AKR1C4: variants seen among roughly 807,000 people sequenced by gnomAD.
The protein encoded by AKR1C4 is aldo-keto reductase family 1 member C4.
In AKR1C4, 44 loss-of-function variants were observed where a neutral mutation model predicts 41.0. That is an observed-to-expected ratio of 1.07 (90% CI 0.84 to 1.38). The LOEUF is 1.38. Ranked by LOEUF, AKR1C4 falls within the 40% of genes most tolerant of loss-of-function variation. The pLI is 0.00. For missense variants in AKR1C4, 438 were observed against 387.9 expected (o/e 1.13, Z -1.09); for synonymous variants, 165 against 137.7 (o/e 1.20, Z -1.39).
At chr10:5,216,567 A>T in intron 7 of AKR1C4, 144 bp from the exon 8 acceptor site, 1 of 589,148 alleles carries the variant, frequency 1.7e-6, no homozygotes, top group Non-Finnish European at 3.0e-6. Context: ...ATCACTTGAG[A>T]GTTTAGAGAT....
Position 5,216,759 on chromosome 10 carries a change from C to A in AKR1C4, c.895C>A (p.Leu299Ile), listed in dbSNP as rs1554798553. The change falls in exon 8 of 9, where the codon CTA becomes ATA. Residue 299 changes from leucine (L) to isoleucine (I), a missense_variant. Leu to Ile is a conservative substitution (Grantham distance 5). Coordinates refer to ENST00000263126, the MANE Select transcript of AKR1C4 (RefSeq NM_001818.5). The stretch of plus-strand genomic sequence containing the variant: ...AGAGGATATGAAAGTTCTAGATGGT[C>A]TAAACAGAAATTATCGATATGTTGT... ...TSEDMKVLDG[L>I]NRNYRYVVMD... The A allele has an allele frequency of 6.2e-6, 10 of 1,611,922 alleles. No homozygotes were observed. Among genetic ancestry groups the A allele is most frequent in the South Asian group, 1.1e-5 (1 of 90,588 alleles).
At chr10:5,216,656 T>A in intron 7 of AKR1C4, 55 bp from the exon 8 acceptor site, 2 of 1,364,668 alleles carry the variant, frequency 1.5e-6, no homozygotes, top group Non-Finnish European at 2.1e-6. Flanking sequence ...TACTTGGCTA[T>A]TCCAAGTTGA....
At chr10:5,215,287 T>TG (rs1456078754) in intron 7 of AKR1C4, among the ~76,000 whole-genome samples, 8 of 152,284 alleles carry the variant, frequency 5.3e-5, no homozygotes, top group South Asian at 4.1e-4. Context: ...GTGATGGAAG[T>TG]GGGGTCTGGT....
rs1294986591 is a variant in AKR1C4, at chr10:5,206,180, A to G, written c.448-95A>G. ...GAATCACTGCTATTTTCATTGTCAT[A>G]TCTTAACAGTTGTTGCTTTAACAGT... is the stretch of plus-strand genomic sequence containing the variant. On this transcript the variant is annotated intron_variant, in intron 4 of 8. Coordinates refer to ENST00000263126, the MANE Select transcript of AKR1C4 (RefSeq NM_001818.5). 3.2e-6 allele frequency: 5 copies of G among 1,577,358 alleles called. No homozygotes were observed. In the African/African-American group the frequency reaches 5.4e-5, roughly 17 times the overall value.
At position 5,204,522 on chromosome 10, in the gene AKR1C4, T is replaced by C. The variant is rs182282006; in HGVS notation, c.369+29T>C. 7 of 1,478,480 alleles carry C rather than the reference T, an allele frequency of 4.7e-6. No individual in the cohort carries two copies. The East Asian group carries it at 1.6e-4, about 33-fold the overall frequency. The allele number at this position is 1,478,480 out of a possible 1,614,324, so 91.6% of individuals were successfully genotyped here. A position where few individuals can be genotyped will look rare whatever the true frequency, so the allele number is the denominator to read the frequency against. On this transcript the variant is annotated intron_variant, in intron 3 of 8. Coordinates refer to ENST00000263126, the MANE Select transcript of AKR1C4 (RefSeq NM_001818.5). ...GGGAATTTGTGAGATCAACTTCTCT[T>C]CTGTTCTCAGCATGACCATCCTTTA... is the stretch of plus-strand genomic sequence containing the variant.
intron 1 of AKR1C4, 45 bp downstream of exon 1, chr10:5,196,996 T>A (rs782143959): frequency 6.3e-7 from 1 of 1,585,312 alleles, no homozygotes; most frequent in South Asian, 1.1e-5. Flanking sequence ...AGAGCAAAGC[T>A]AGAATAAGTG....
At chr10:5,216,291 G>A (rs1366860951) in intron 7 of AKR1C4, among the ~76,000 whole-genome samples, 3 of 152,290 alleles carry the variant, frequency 2.0e-5, no homozygotes, top group East Asian at 1.9e-4. Flanking sequence ...CCTCCCACCA[G>A]GACCCACTTC....
chr10:5,218,115 G>A (rs1832680459), intron 8 of AKR1C4, among the ~76,000 whole-genome samples: 1 of 152,140 alleles, frequency 6.6e-6, no homozygotes, highest in South Asian at 2.1e-4. Context: ...CAATATTAAT[G>A]AATCATTTAT....
At position 5,200,227 on chromosome 10, in the gene AKR1C4, C is replaced by G. The variant is rs1266812499; in HGVS notation, c.131C>G (p.Ala44Gly). 6.2e-7 allele frequency: 1 copy of G among 1,614,062 alleles called. No individual in the cohort carries two copies. The highest frequency in any genetic ancestry group is 2.2e-5 in the East Asian group (1 of 44,890). ...GAGGTCACCAAATTAGCAATAGAAG[C>G]TGGCTTCCGCCATATTGATTCTGCT... ...AVEVTKLAIE[A>G]GFRHIDSAYL... Residue 44 changes from alanine to glycine, a missense_variant, in exon 2 of 9, where the codon GCT (alanine) becomes GGT (glycine). Transcript: ENST00000263126.
chr10:5,203,044 T>C (rs1832426303), intron 2 of AKR1C4, among the ~76,000 whole-genome samples: 1 of 151,512 alleles, frequency 6.6e-6, no homozygotes, highest in Non-Finnish European at 1.5e-5. Flanking sequence ...TTAGGCAGGA[T>C]TCCCTCTTTC....
chr10:5,217,415 A>G (rs1041045827), intron 8 of AKR1C4, among the ~76,000 whole-genome samples: 1 of 152,238 alleles, frequency 6.6e-6, no homozygotes, highest in Non-Finnish European at 1.5e-5. Flanking sequence ...TTTTTGCAAT[A>G]TGGAAATCTC....
chr10:5,212,221 C>A (rs1024149535), intron 5 of AKR1C4, among the ~76,000 whole-genome samples: 1 of 152,190 alleles, frequency 6.6e-6, no homozygotes, highest in Non-Finnish European at 1.5e-5. Flanking sequence ...ATGCTCAAAT[C>A]TATGCAAATG....
chr10:5,216,750 C>A lies in AKR1C4; in HGVS notation c.886C>A (p.Leu296Ile). 1 of 1,612,088 alleles carries A rather than the reference C, an allele frequency of 6.2e-7. No homozygotes were observed. Among genetic ancestry groups the A allele is most frequent in the East Asian group, 2.2e-5 (1 of 44,844 alleles). Residue 296 changes from leucine (L) to isoleucine (I), a missense_variant, in exon 8 of 9, where the codon CTA (leucine) becomes ATA (isoleucine). Physicochemically the swap from Leu to Ile is conservative, Grantham distance 5 (BLOSUM62 2). Transcript: ENST00000263126. The stretch of plus-strand genomic sequence containing the variant: ...GTTGACATCAGAGGATATGAAAGTT[C>A]TAGATGGTCTAAACAGAAATTATCG... ...FQLTSEDMKVLDGLNRNYRYV... is the reference protein window; with the variant it reads ...FQLTSEDMKVIDGLNRNYRYV...
chr10:5,204,300 C>G, intron 2 of AKR1C4, 77 bp from the exon 3 acceptor site: 2 of 1,153,532 alleles, frequency 1.7e-6, no homozygotes, highest in Non-Finnish European at 2.5e-6. Context: ...TGAAAAATGT[C>G]TAAATATTAG....
intron 7 of AKR1C4, among the ~76,000 whole-genome samples, chr10:5,215,638 A>G (rs535738919): frequency 2.1e-3 from 319 of 152,292 alleles, no homozygotes; most frequent in Non-Finnish European, 2.6e-3. Context: ...CTAAGTTCAG[A>G]CTTCCACAAA....
At chr10:5,209,330 G>A (rs1564402932) in intron 5 of AKR1C4, among the ~76,000 whole-genome samples, 1 of 151,990 alleles carries the variant, frequency 6.6e-6, no homozygotes, top group Non-Finnish European at 1.5e-5. Flanking sequence ...TATTGTATTT[G>A]TTCTTTCCTT....
intron 5 of AKR1C4, 51 bp from the exon 6 acceptor site, chr10:5,212,565 A>G: frequency 6.8e-7 from 1 of 1,469,116 alleles, no homozygotes. Flanking sequence ...TCTTTATATT[A>G]ACATATCTGT....
In AKR1C4 at chr10:5,212,994, G is replaced by A. The variant is rs782526166; in HGVS notation, c.681G>A (p.Trp227Ter). The change falls in exon 7 of 9, where the codon TGG becomes TGA. Residue 227 changes from tryptophan to a stop codon, truncating the protein, a stop_gained and splice_region_variant. Coordinates refer to ENST00000263126, the MANE Select transcript of AKR1C4 (RefSeq NM_001818.5). LOFTEE classifies it high-confidence loss of function. ...SALGTQRHKL[W>*]VDPNSPVLLE... is the part of the protein sequence containing the mutation. ...TCAGCATTTCTGGCTTTCCTTCCAG[G>A]GTGGACCCAAACTCCCCAGTTCTTT... is the stretch of plus-strand genomic sequence containing the variant. 1 of 1,613,890 alleles carries A rather than the reference G, an allele frequency of 6.2e-7. No homozygotes were observed. The highest frequency in any genetic ancestry group is 1.1e-5 in the South Asian group (1 of 91,050).
chr10:5,205,913 T>A (rs1554797437), intron 4 of AKR1C4, 79 bp downstream of exon 4: 1 of 1,372,242 alleles, frequency 7.3e-7, no homozygotes, highest in Non-Finnish European at 1.0e-6. Flanking sequence ...TATGCAACAT[T>A]GGAATATGCA....
Sources: allele counts gnomAD v4.1 joint callset (sites outside exome capture counted in the v4.1 genomes callset), GRCh38; gene constraint gnomAD v4.1.1; transcripts MANE v1.5; gene names NCBI Gene and HGNC (gene_info 2026-07-23, HGNC 2026-07-21).